HS3ST5: variants seen among roughly 807,000 people sequenced by gnomAD.
HS3ST5 encodes the protein heparan sulfate-glucosamine 3-sulfotransferase 5, also known as heparan sulfate glucosamine 3-O-sulfotransferase 5.
HS3ST5 carries 10 observed loss-of-function variants against 25.4 expected under a neutral mutation model. The ratio of observed to expected loss-of-function variants is 0.39; its 90% CI spans 0.24 to 0.67. HS3ST5 has a LOEUF of 0.67. Ranked by LOEUF, HS3ST5 falls within the 30% of genes least tolerant of loss-of-function variation. HS3ST5 has a pLI of 0.44. For missense variants in HS3ST5, 324 were observed against 420.7 expected (o/e 0.77, Z 2.01); for synonymous variants, 170 against 162.4 (o/e 1.05, Z -0.36).
chr6:114,256,154 C>T (rs1772900361), intron 1 of HS3ST5, among the ~76,000 whole-genome samples: 1 of 152,022 alleles, frequency 6.6e-6, no homozygotes. Context: ...TTTGGGAGGC[C>T]AAGGTGGGCA....
chr6:114,123,813 T>C (rs1776910324), intron 3 of HS3ST5, among the ~76,000 whole-genome samples: 1 of 152,060 alleles, frequency 6.6e-6, no homozygotes, highest in African/African-American at 2.4e-5. Flanking sequence ...TTGCATATGT[T>C]GGGGTATTTG....
chr6:114,253,951 T>A (rs1031188038), intron 1 of HS3ST5, among the ~76,000 whole-genome samples: 1 of 152,088 alleles, frequency 6.6e-6, no homozygotes, highest in Non-Finnish European at 1.5e-5. Flanking sequence ...ATTTAGAGAT[T>A]GTGTGCAATG....
At chr6:114,223,904 G>T (rs2114501613) in intron 2 of HS3ST5, among the ~76,000 whole-genome samples, 1 of 151,656 alleles carries the variant, frequency 6.6e-6, no homozygotes, top group South Asian at 2.1e-4. Flanking sequence ...CCTAAAAAAT[G>T]GGTTATTTCT....
At chr6:114,210,333 A>G (rs1234986700) in intron 2 of HS3ST5, among the ~76,000 whole-genome samples, 1 of 152,174 alleles carries the variant, frequency 6.6e-6, no homozygotes, top group Non-Finnish European at 1.5e-5. Context: ...TGCATTAAAA[A>G]ATCTGTGATC....
intron 3 of HS3ST5, among the ~76,000 whole-genome samples, chr6:114,089,476 C>A (rs1386714369): frequency 6.6e-6 from 1 of 152,134 alleles, no homozygotes. Flanking sequence ...CCCTTTCATA[C>A]ATTTATTTGT....
intron 2 of HS3ST5, among the ~76,000 whole-genome samples, chr6:114,189,896 G>C (rs1033799531): frequency 3.3e-5 from 5 of 152,094 alleles, no homozygotes; most frequent in Non-Finnish European, 5.9e-5. Context: ...GATCTGGCTG[G>C]GCTGTTTCCT....
At chr6:114,172,925 C>A (rs12197268) in intron 2 of HS3ST5, among the ~76,000 whole-genome samples, 2,154 of 152,162 alleles carry the variant, frequency 0.014, 27 homozygotes, top group Non-Finnish European at 0.021. Context: ...TGAAATAAAA[C>A]TGATAATTCT....
intron 1 of HS3ST5, among the ~76,000 whole-genome samples, chr6:114,310,040 G>C (rs560232556): frequency 1.3e-4 from 20 of 152,320 alleles, no homozygotes; most frequent in African/African-American, 4.1e-4. Context: ...CAATGGAAGT[G>C]AGCAGTAAAC....
intron 1 of HS3ST5, among the ~76,000 whole-genome samples, chr6:114,293,260 C>G (rs1774662811): frequency 6.6e-6 from 1 of 152,180 alleles, no homozygotes; most frequent in Admixed American, 6.5e-5. Flanking sequence ...AGAAAGAGCA[C>G]CAAGTGTTCA....
chr6:114,168,548 G>C (rs1479277110), intron 2 of HS3ST5, 86 bp from the exon 3 acceptor site: 2 of 152,218 alleles, frequency 1.3e-5, no homozygotes, highest in Non-Finnish European at 2.9e-5. Flanking sequence ...GCTGTGGTTA[G>C]ATTTGCTGTT....
intron 2 of HS3ST5, among the ~76,000 whole-genome samples, chr6:114,177,834 T>G (rs967799790): frequency 6.6e-6 from 1 of 152,318 alleles, no homozygotes; most frequent in Middle Eastern, 3.4e-3. Context: ...ATGATCCATA[T>G]AGTAAACCTA....
At chr6:114,244,463 T>A (rs994791442) in intron 1 of HS3ST5, among the ~76,000 whole-genome samples, 23 of 152,206 alleles carry the variant, frequency 1.5e-4, no homozygotes, top group Admixed American at 1.5e-3. Flanking sequence ...AATAATGTAT[T>A]TCATAGGTTC....
chr6:114,260,699 C>T (rs894753853), intron 1 of HS3ST5, among the ~76,000 whole-genome samples: 1 of 152,134 alleles, frequency 6.6e-6, no homozygotes, highest in Non-Finnish European at 1.5e-5. Flanking sequence ...TTGAAGCCAT[C>T]CTCTACGCTA....
intron 2 of HS3ST5, among the ~76,000 whole-genome samples, chr6:114,201,350 C>T (rs73767067): frequency 7.0e-4 from 107 of 152,284 alleles, no homozygotes; most frequent in African/African-American, 2.5e-3. Context: ...CTCCTCATCT[C>T]GTCTGCTATC....
At chr6:114,140,695 G>T (rs996522679) in intron 3 of HS3ST5, among the ~76,000 whole-genome samples, 3 of 152,180 alleles carry the variant, frequency 2.0e-5, no homozygotes, top group Admixed American at 6.5e-5. Context: ...GGGCAGAGGA[G>T]CACGAGGAAT....
intron 3 of HS3ST5, chr6:114,131,100 C>T (rs1365749921): frequency 6.6e-6 from 1 of 152,186 alleles, no homozygotes; most frequent in African/African-American, 2.4e-5. Context: ...CATTAAAAGT[C>T]AGGCAAGCAT....
chr6:114,068,789 A>G (rs1773616875), intron 3 of HS3ST5, among the ~76,000 whole-genome samples: 2 of 152,156 alleles, frequency 1.3e-5, no homozygotes, highest in Non-Finnish European at 2.9e-5. Flanking sequence ...CTACAGTGAC[A>G]TTTAAGCTCC....
At chr6:114,213,804 A>T (rs1462461252) in intron 2 of HS3ST5, among the ~76,000 whole-genome samples, 1 of 152,178 alleles carries the variant, frequency 6.6e-6, no homozygotes, top group Non-Finnish European at 1.5e-5. Flanking sequence ...TACGATCCCC[A>T]GTCCATCTTT....
intron 3 of HS3ST5, among the ~76,000 whole-genome samples, chr6:114,129,424 T>G (rs1777219887): frequency 6.6e-6 from 1 of 151,804 alleles, no homozygotes; most frequent in Non-Finnish European, 1.5e-5. Flanking sequence ...CCCAGCTAAT[T>G]TTTTGTATTT....
Sources: allele counts gnomAD v4.1 joint callset (sites outside exome capture counted in the v4.1 genomes callset), GRCh38; gene constraint gnomAD v4.1.1; transcripts MANE v1.5; gene names NCBI Gene and HGNC (gene_info 2026-07-23, HGNC 2026-07-21).